Variants in CFAP61 observed in about 807,000 individuals in gnomAD.
The protein encoded by CFAP61 is cilia and flagella associated protein 61.
CFAP61 carries 107 observed loss-of-function variants against 135.6 expected under a neutral mutation model. That is an observed-to-expected ratio of 0.79 (90% CI 0.67 to 0.93). CFAP61 has a LOEUF of 0.93. CFAP61 is among the 40% of genes least tolerant of loss of function. The pLI, the probability that CFAP61 is intolerant of heterozygous loss-of-function variation, is 0.00. For synonymous variants in CFAP61, 575 were observed against 578.5 expected, an observed-to-expected ratio of 0.99 and a Z score of 0.09; for missense variants, 1,507 against 1,556.2, an observed-to-expected ratio of 0.97 and a Z score of 0.53.
intron 1 of CFAP61, among the ~76,000 whole-genome samples, chr20:20,054,653 G>T (rs6046579): frequency 0.14 from 21,537 of 152,104 alleles, 1,670 homozygotes; most frequent in East Asian, 0.22. Context: ...ACAACATGTG[G>T]CTCATAAAGC....
At chr20:20,129,385 G>A (rs1382347854) in intron 8 of CFAP61, among the ~76,000 whole-genome samples, 1 of 151,796 alleles carries the variant, frequency 6.6e-6, no homozygotes, top group African/African-American at 2.4e-5. Flanking sequence ...TTTTGAAAAT[G>A]TCATCTCACT....
intron 10 of CFAP61, among the ~76,000 whole-genome samples, chr20:20,162,643 A>C (rs950532765): frequency 2.4e-4 from 36 of 152,206 alleles, no homozygotes; most frequent in Non-Finnish European, 5.9e-5. Flanking sequence ...TAGGAGCTGC[A>C]ATACAGGCAG....
chr20:20,245,335 C>A (rs2424296), intron 18 of CFAP61, among the ~76,000 whole-genome samples: 75,047 of 151,842 alleles, frequency 0.49, 19,032 homozygotes, highest in African/African-American at 0.59. Flanking sequence ...TTCAGTTCCA[C>A]GTGGCTGGGG....
chr20:20,140,634 A>G (rs1298955598), intron 8 of CFAP61, among the ~76,000 whole-genome samples: 1 of 152,110 alleles, frequency 6.6e-6, no homozygotes, highest in Non-Finnish European at 1.5e-5. Flanking sequence ...AACTAGTTCA[A>G]CCATTGTGGA....
At chr20:20,343,660 C>T (rs571872716) in intron 26 of CFAP61, among the ~76,000 whole-genome samples, 12 of 152,282 alleles carry the variant, frequency 7.9e-5, no homozygotes, top group South Asian at 2.1e-4. Context: ...GAATGTCATC[C>T]GCAGCTTCCT....
chr20:20,216,652 G>A (rs751314091), intron 17 of CFAP61, among the ~76,000 whole-genome samples: 4 of 152,086 alleles, frequency 2.6e-5, no homozygotes, highest in Non-Finnish European at 5.9e-5. Context: ...TTTTATTTTC[G>A]TAACTACTTC....
chr20:20,114,715 C>G (rs1367119812), intron 8 of CFAP61, among the ~76,000 whole-genome samples: 1 of 151,806 alleles, frequency 6.6e-6, no homozygotes, highest in Admixed American at 6.6e-5. Flanking sequence ...AATTTTTGTT[C>G]TTTACTTTCC....
rs2051420983 is a variant in CFAP61 at position 20,255,114 on chromosome 20, T to G, written c.2328+3351T>G. Among the ~76,000 whole-genome samples, 5 of 152,318 alleles carry G rather than the reference T, an allele frequency of 3.3e-5. No homozygotes were observed. The South Asian group carries it at 1.0e-3, about 32-fold the overall frequency. On this transcript the variant is annotated intron_variant, in intron 20 of 26. Coordinates refer to ENST00000245957, the MANE Select transcript of CFAP61 (RefSeq NM_015585.4). ...CAGACATTATCTACAACCTCTCCATTTTCGAAGATGAAGATTTAGCTGGCT... is the reference window on the plus strand; with the variant it reads ...CAGACATTATCTACAACCTCTCCATGTTCGAAGATGAAGATTTAGCTGGCT...
chr20:20,053,365 A>G (rs751695212), intron 1 of CFAP61, among the ~76,000 whole-genome samples: 1 of 152,114 alleles, frequency 6.6e-6, no homozygotes, highest in Non-Finnish European at 1.5e-5. Flanking sequence ...ACAGCCTCCA[A>G]CTCTTAAAAA....
intron 18 of CFAP61, among the ~76,000 whole-genome samples, chr20:20,229,030 T>A (rs2048940650): frequency 6.6e-6 from 1 of 152,188 alleles, no homozygotes; most frequent in East Asian, 1.9e-4. Context: ...GAATTTTGGA[T>A]CCCCTGGAAC....
intron 19 of CFAP61, among the ~76,000 whole-genome samples, chr20:20,248,630 A>G (rs2050649339): frequency 6.6e-6 from 1 of 152,204 alleles, no homozygotes; most frequent in South Asian, 2.1e-4. Context: ...ATTGAAAGTT[A>G]ATTGTGATAG....
At chr20:20,096,222 T>C (rs1305559981) in intron 7 of CFAP61, among the ~76,000 whole-genome samples, 2 of 152,202 alleles carry the variant, frequency 1.3e-5, no homozygotes, top group Non-Finnish European at 2.9e-5. Context: ...TTAAGAATAG[T>C]GTTTCTCAAA....
chr20:20,295,869 G>T (rs915747527), intron 24 of CFAP61, among the ~76,000 whole-genome samples: 1 of 151,356 alleles, frequency 6.6e-6, no homozygotes, highest in Admixed American at 6.6e-5. Context: ...CCTGTGGCAG[G>T]AGCTGAGGGC....
At chr20:20,138,788 CT>C (rs1271008995) in intron 8 of CFAP61, among the ~76,000 whole-genome samples, 14 of 152,308 alleles carry the variant, frequency 9.2e-5, no homozygotes, top group Middle Eastern at 3.4e-3. Context: ...TTTTGCTTCA[CT>C]TCCTCTAGCA....
intron 20 of CFAP61, 53 bp downstream of exon 20, chr20:20,251,816 G>T: frequency 1.3e-6 from 2 of 1,574,086 alleles, no homozygotes; most frequent in South Asian, 1.1e-5. Context: ...CTCCATGAAA[G>T]CCATTCATAT....
At chr20:20,084,109 G>GAT (rs1000294203) in intron 6 of CFAP61, among the ~76,000 whole-genome samples, 9 of 152,166 alleles carry the variant, frequency 5.9e-5, no homozygotes, top group African/African-American at 2.2e-4. Flanking sequence ...CCCATGTTGA[G>GAT]ATGGTGTTCA....
At chr20:20,200,673 C>T (rs1372893665) in intron 17 of CFAP61, 1 of 985,030 alleles carries the variant, frequency 1.0e-6, no homozygotes. Context: ...AACATTTGTC[C>T]TTTGTGAGAC....
At chr20:20,077,099 A>C (rs1705064917) in intron 6 of CFAP61, among the ~76,000 whole-genome samples, 1 of 152,220 alleles carries the variant, frequency 6.6e-6, no homozygotes, top group Non-Finnish European at 1.5e-5. Flanking sequence ...GAGAAGCGGG[A>C]TGCACAGACA....
intron 21 of CFAP61, chr20:20,267,496 T>C (rs1601722406): frequency 6.6e-6 from 1 of 152,526 alleles, no homozygotes; most frequent in Non-Finnish European, 1.5e-5. Flanking sequence ...TGGCTTACCA[T>C]GGATGGCAGT....
Sources: allele counts gnomAD v4.1 joint callset (sites outside exome capture counted in the v4.1 genomes callset), GRCh38; gene constraint gnomAD v4.1.1; transcripts MANE v1.5; gene names NCBI Gene and HGNC (gene_info 2026-07-23, HGNC 2026-07-21).